Variants in DOCK9 observed in about 807,000 individuals in gnomAD.
The protein encoded by DOCK9 is dedicator of cytokinesis 9.
A neutral mutation model predicts 263.3 loss-of-function variants in DOCK9; 89 were observed. The observed-to-expected ratio is 0.34, with a 90% CI of 0.28 to 0.40. DOCK9 has a LOEUF of 0.40. Ranked by LOEUF, DOCK9 falls within the 10% of genes least tolerant of loss-of-function variation. DOCK9 has a pLI of 1.00. For missense variants in DOCK9, 2,140 were observed against 2,603.4 expected (o/e 0.82, Z 3.87); for synonymous variants, 976 against 973.1 (o/e 1.00, Z -0.06).
intron 1 of DOCK9, among the ~76,000 whole-genome samples, chr13:99,077,778 C>T (rs1040422922): frequency 6.6e-6 from 1 of 152,182 alleles, no homozygotes; most frequent in African/African-American, 2.4e-5. Context: ...CACAGACCTG[C>T]CACATTCAAG....
intron 50 of DOCK9, among the ~76,000 whole-genome samples, chr13:98,800,027 C>T (rs796979409): frequency 7.6e-4 from 115 of 152,208 alleles, no homozygotes; most frequent in African/African-American, 2.7e-3. Flanking sequence ...CCCAGAATTC[C>T]CCAAATACTG....
Position 98,967,481 on chromosome 13 carries a change from C to T in DOCK9, c.126+10303G>A, listed in dbSNP as rs550802004. Among the ~76,000 whole-genome samples, 7 of 152,340 alleles carry T rather than the reference C, an allele frequency of 4.6e-5. No individual in the cohort carries two copies. The East Asian group carries it at 1.3e-3, about 29-fold the overall frequency. ...ATTAGATGGTTTACTGAAGGTCACA[C>T]AGATGGGTTGATCCTTGGGTCTCCT... is the stretch of plus-strand genomic sequence containing the variant. On this transcript the variant is annotated intron_variant, in intron 1 of 52. Coordinates refer to ENST00000682017, the MANE Select transcript of DOCK9 (RefSeq NM_001366683.2).
intron 1 of DOCK9, among the ~76,000 whole-genome samples, chr13:98,996,679 T>C (rs1228893244): frequency 2.6e-5 from 4 of 152,232 alleles, no homozygotes; most frequent in African/African-American, 4.8e-5. Context: ...TTATGAGTTT[T>C]GCAATTTTTT....
At chr13:99,055,887 A>T (rs2040896398) in intron 1 of DOCK9, among the ~76,000 whole-genome samples, 1 of 151,930 alleles carries the variant, frequency 6.6e-6, no homozygotes, top group South Asian at 2.1e-4. Flanking sequence ...CCTATGATAA[A>T]TTCCTAGGCC....
chr13:98,850,695 T>C (rs1877540253), intron 35 of DOCK9, among the ~76,000 whole-genome samples: 1 of 152,254 alleles, frequency 6.6e-6, no homozygotes, highest in African/African-American at 2.4e-5. Flanking sequence ...ATTATAATTA[T>C]GTTTCAATGA....
At chr13:99,050,851 G>GC (rs1190314396) in intron 1 of DOCK9, among the ~76,000 whole-genome samples, 3 of 151,954 alleles carry the variant, frequency 2.0e-5, no homozygotes, top group African/African-American at 4.8e-5. Context: ...CATATACATG[G>GC]CCCCCCCAGG....
chr13:98,854,317 T>A (rs530420910), intron 34 of DOCK9, among the ~76,000 whole-genome samples: 33 of 151,892 alleles, frequency 2.2e-4, no homozygotes, highest in African/African-American at 6.5e-4. Flanking sequence ...ATAAAAAAAA[T>A]TTTTTTACCA....
chr13:98,831,735 C>A lies in DOCK9; in HGVS notation c.4366G>T (p.Asp1456Tyr). Residue 1456 changes from aspartate (D) to tyrosine (Y), a missense_variant, in exon 40 of 53, where the codon GAT (aspartate) becomes TAT (tyrosine). Transcript: ENST00000682017. Reference protein sequence around the residue: ...GHNPLMKKVFDVYLCFLQKHQ... With the variant: ...GHNPLMKKVFYVYLCFLQKHQ... ...TTTTGAAGAAAACACAGGTAGACATCAAAAACTTTTTTCATGAGAGGATTA... is the reference window on the plus strand; with the variant it reads ...TTTTGAAGAAAACACAGGTAGACATAAAAAACTTTTTTCATGAGAGGATTA... The A allele has an allele frequency of 6.2e-7, 1 of 1,613,984 alleles. No homozygotes were observed. Among genetic ancestry groups the A allele is most frequent in the Non-Finnish European group, 8.5e-7 (1 of 1,179,878 alleles).
intron 4 of DOCK9, among the ~76,000 whole-genome samples, chr13:98,923,963 T>C (rs567734240): frequency 6.6e-6 from 1 of 152,340 alleles, no homozygotes; most frequent in Non-Finnish European, 1.5e-5. Context: ...TCTTCACCAC[T>C]GTTACAATTC....
chr13:99,049,443 C>CAA (rs1056145755), intron 1 of DOCK9, among the ~76,000 whole-genome samples: 1 of 151,354 alleles, frequency 6.6e-6, no homozygotes, highest in African/African-American at 2.4e-5. Flanking sequence ...GTCCCAGCTA[C>CAA]AAAAAAAGGA....
chr13:98,844,649 G>C (rs954831115), intron 38 of DOCK9, among the ~76,000 whole-genome samples: 3 of 152,118 alleles, frequency 2.0e-5, no homozygotes, highest in Non-Finnish European at 4.4e-5. Context: ...CAAAGTGTTG[G>C]GATTACAGGC....
chr13:98,950,345 A>T (rs1457240548), intron 2 of DOCK9: 1 of 904,484 alleles, frequency 1.1e-6, no homozygotes, highest in African/African-American at 1.7e-5. Flanking sequence ...TTCTTTGCTA[A>T]AAGTGCCTGC....
intron 27 of DOCK9, among the ~76,000 whole-genome samples, chr13:98,877,349 T>C (rs2044020844): frequency 6.6e-6 from 1 of 152,220 alleles, no homozygotes; most frequent in African/African-American, 2.4e-5. Flanking sequence ...AGTAAATTCC[T>C]TTACTTATTT....
chr13:99,025,943 C>A (rs1886650711), intron 1 of DOCK9, among the ~76,000 whole-genome samples: 1 of 152,196 alleles, frequency 6.6e-6, no homozygotes, highest in Non-Finnish European at 1.5e-5. Context: ...ATAAGGATCA[C>A]ATAGTGCATG....
chr13:99,020,363 G>A (rs1885943608), intron 1 of DOCK9, among the ~76,000 whole-genome samples: 1 of 152,188 alleles, frequency 6.6e-6, no homozygotes, highest in African/African-American at 2.4e-5. Flanking sequence ...TAACATGGGA[G>A]GTGGCTGGGG....
chr13:99,063,730 T>C (rs755829527), intron 1 of DOCK9, among the ~76,000 whole-genome samples: 1 of 152,122 alleles, frequency 6.6e-6, no homozygotes, highest in Non-Finnish European at 1.5e-5. Context: ...AACAAACCCA[T>C]ACAAAATATA....
chr13:98,810,802 C>A (rs1055892911), intron 45 of DOCK9, among the ~76,000 whole-genome samples: 128 of 152,300 alleles, frequency 8.4e-4, no homozygotes, highest in African/African-American at 2.8e-3. Context: ...TACTCTGCTT[C>A]CACTAAAACC....
At chr13:99,046,975 T>C (rs1342729339) in intron 1 of DOCK9, among the ~76,000 whole-genome samples, 1 of 152,248 alleles carries the variant, frequency 6.6e-6, no homozygotes, top group Admixed American at 6.5e-5. Flanking sequence ...GAGCCAAAGT[T>C]GGACGAGTCC....
intron 1 of DOCK9, among the ~76,000 whole-genome samples, chr13:99,007,926 T>C (rs557514535): frequency 6.6e-6 from 1 of 152,244 alleles, no homozygotes; most frequent in Non-Finnish European, 1.5e-5. Context: ...TGGCTATACA[T>C]ACCAAAATCC....
Sources: gnomAD v4.1 joint callset for allele counts (sites outside exome capture counted in the v4.1 genomes callset) on GRCh38, gnomAD v4.1.1 for gene constraint, MANE v1.5 for transcripts, NCBI Gene and HGNC (gene_info 2026-07-23, HGNC 2026-07-21) for gene names.